ZNF438: variants seen among roughly 807,000 people sequenced by gnomAD.
The protein encoded by ZNF438 is zinc finger protein 438.
Under a neutral mutation model 38.0 loss-of-function variants are expected in ZNF438, and 25 were observed. The ratio of observed to expected loss-of-function variants is 0.66; its 90% CI spans 0.48 to 0.92. The LOEUF (loss-of-function observed/expected upper bound fraction) is 0.92, where lower values mean the gene tolerates loss of function less well. ZNF438 is among the 40% of genes least tolerant of loss of function. ZNF438 has a pLI of 0.00. For missense variants in ZNF438, 1,007 were observed against 999.6 expected, an observed-to-expected ratio of 1.01 and a Z score of -0.10; for synonymous variants, 372 against 364.1, an observed-to-expected ratio of 1.02 and a Z score of -0.25.
At chr10:30,845,024 C>A in exon 6 of ZNF438, 1 of 1,614,142 alleles carries the variant, frequency 6.2e-7, no homozygotes, top group Non-Finnish European at 8.5e-7. Flanking sequence ...TTAAAATAGC[C>A]CACAGTTTGG....
chr10:30,957,762 T>C (rs1047929707), intron 1 of ZNF438, among the ~76,000 whole-genome samples: 2 of 152,202 alleles, frequency 1.3e-5, no homozygotes, highest in Non-Finnish European at 2.9e-5. Context: ...TTAATATTCT[T>C]TGGGATATTT....
chr10:30,867,079 T>C (rs1325074473), intron 4 of ZNF438, among the ~76,000 whole-genome samples: 1 of 152,140 alleles, frequency 6.6e-6, no homozygotes, highest in African/African-American at 2.4e-5. Context: ...CTGAAAGAAG[T>C]TTCCATCTGA....
chr10:30,892,081 G>T (rs1490981075), intron 3 of ZNF438, among the ~76,000 whole-genome samples: 1 of 152,108 alleles, frequency 6.6e-6, no homozygotes, highest in Non-Finnish European at 1.5e-5. Context: ...TCTTTATTTT[G>T]TTTTCCTCAA....
intron 4 of ZNF438, among the ~76,000 whole-genome samples, chr10:30,852,766 A>C (rs972282575): frequency 6.6e-6 from 1 of 152,250 alleles, no homozygotes; most frequent in Non-Finnish European, 1.5e-5. Flanking sequence ...GAAAAATCAG[A>C]CAAAGATAAT....
intron 4 of ZNF438, among the ~76,000 whole-genome samples, chr10:30,857,242 T>A (rs556098949): frequency 6.6e-6 from 1 of 150,946 alleles, no homozygotes; most frequent in South Asian, 2.1e-4. Context: ...AAATGGCTTG[T>A]CATATTCTAA....
In ZNF438 at chr10:30,959,743, G is replaced by A. The variant is rs556042296; in HGVS notation, c.-191-18092C>T. ...AGCCTGGGTGACAGAGCCAGACTCC[G>A]TCTCAATAAATAAATTTCTTCACAC... On this transcript the variant is annotated intron_variant, in intron 1 of 5. Coordinates refer to ENST00000413025, the Ensembl canonical transcript of ZNF438. Among the ~76,000 whole-genome samples, 5 of 146,334 alleles carry A rather than the reference G, an allele frequency of 3.4e-5. 1 individual carries two copies. Among genetic ancestry groups the A allele is most frequent in the African/African-American group, 4.9e-5 (2 of 40,930 alleles).
At position 30,854,010 on chromosome 10, in the gene ZNF438, T is replaced by A. The variant is rs58059535; in HGVS notation, c.38-3643A>T. 8.0e-3 allele frequency among the ~76,000 whole-genome samples: 1,210 copies of A among 151,432 alleles called. 30 individuals are homozygous for A. The highest frequency in any genetic ancestry group is 0.027 in the African/African-American group (1,115 of 41,276). On this transcript the variant is annotated intron_variant, in intron 4 of 5. Transcript: ENST00000413025. ...ACTACATCTCCAATGAATTAATGAA[T>A]GAATAAATGAATAAAGTATCACATA...
At chr10:30,956,212 G>T (rs1336979306) in intron 1 of ZNF438, among the ~76,000 whole-genome samples, 1 of 152,130 alleles carries the variant, frequency 6.6e-6, no homozygotes. Context: ...CTACAGCAGT[G>T]ATTTTCAAAC....
intron 2 of ZNF438, among the ~76,000 whole-genome samples, chr10:30,916,009 T>C (rs992574800): frequency 6.6e-6 from 1 of 152,032 alleles, no homozygotes; most frequent in Non-Finnish European, 1.5e-5. Context: ...TAAGTGAAAA[T>C]CCATAATTTT....
At chr10:30,995,562 A>C (rs1039288757) in intron 1 of ZNF438, among the ~76,000 whole-genome samples, 5 of 152,242 alleles carry the variant, frequency 3.3e-5, no homozygotes, top group African/African-American at 4.8e-5. Flanking sequence ...GCCCCAAAAA[A>C]CAAAGCATGC....
intron 3 of ZNF438, among the ~76,000 whole-genome samples, chr10:30,895,963 T>C (rs998863008): frequency 6.6e-6 from 1 of 152,140 alleles, no homozygotes; most frequent in African/African-American, 2.4e-5. Flanking sequence ...AAATTAAAAA[T>C]AGAATTACCA....
intron 3 of ZNF438, among the ~76,000 whole-genome samples, chr10:30,898,515 T>TA (rs769832197): frequency 6.6e-6 from 1 of 152,146 alleles, no homozygotes; most frequent in African/African-American, 2.4e-5. Context: ...ATAATACATG[T>TA]ATGTGTGTGC....
intron 1 of ZNF438, among the ~76,000 whole-genome samples, chr10:30,954,168 A>C (rs2048598897): frequency 1.3e-5 from 2 of 152,096 alleles, no homozygotes; most frequent in South Asian, 4.1e-4. Context: ...TACCCCCATA[A>C]AGTGGTAAAT....
intron 2 of ZNF438, among the ~76,000 whole-genome samples, chr10:30,925,566 C>G (rs887049716): frequency 6.6e-6 from 1 of 152,206 alleles, no homozygotes; most frequent in Admixed American, 6.5e-5. Context: ...ATCCCCTTCA[C>G]AGTGTGGGAG....
intron 3 of ZNF438, among the ~76,000 whole-genome samples, chr10:30,880,430 T>TAAAAAAAAAAAAAAAAAAAAAA (rs60365494): frequency 8.9e-6 from 1 of 111,926 alleles, no homozygotes. Flanking sequence ...AAATTCTATC[T>TAAAAAAAAAAAAAAAAAAAAAA]AAAAAAAAAA....
At chr10:30,951,472 G>C (rs1234672789) in intron 1 of ZNF438, among the ~76,000 whole-genome samples, 1 of 152,158 alleles carries the variant, frequency 6.6e-6, no homozygotes, top group African/African-American at 2.4e-5. Context: ...CCTGTTTGCA[G>C]ACGACATGAT....
chr10:30,853,091 T>C (rs1453643506), intron 4 of ZNF438, among the ~76,000 whole-genome samples: 1 of 152,188 alleles, frequency 6.6e-6, no homozygotes, highest in Non-Finnish European at 1.5e-5. Context: ...TGTGGCTTAA[T>C]AAATAATTAC....
exon 5 of ZNF438, chr10:30,849,096 T>C (rs1347721222): frequency 6.2e-7 from 1 of 1,613,934 alleles, no homozygotes; most frequent in Non-Finnish European, 8.5e-7. Context: ...GGTTTGGGCA[T>C]AATGCTACGG....
intron 2 of ZNF438, among the ~76,000 whole-genome samples, chr10:30,922,830 T>C (rs945964569): frequency 6.7e-6 from 1 of 150,066 alleles, no homozygotes; most frequent in African/African-American, 2.5e-5. Flanking sequence ...AGAGAAACTT[T>C]GTCTCAAAAA....
Sources: gnomAD v4.1 joint callset for allele counts (sites outside exome capture counted in the v4.1 genomes callset) on GRCh38, gnomAD v4.1.1 for gene constraint, MANE v1.5 for transcripts, NCBI Gene and HGNC (gene_info 2026-07-23, HGNC 2026-07-21) for gene names.